Variants in STX17 observed in about 807,000 individuals in gnomAD.
The protein encoded by STX17 is syntaxin-17.
STX17 carries 29 observed loss-of-function variants against 35.9 expected under a neutral mutation model. That is an observed-to-expected ratio of 0.81 (90% CI 0.60 to 1.10). The LOEUF (loss-of-function observed/expected upper bound fraction) is 1.10, where lower values mean the gene tolerates loss of function less well. Among genes scored for constraint, STX17 ranks in the 50% least tolerant of loss-of-function variants. The pLI is 0.00. For synonymous variants in STX17, 92 were observed against 118.3 expected, an observed-to-expected ratio of 0.78 and a Z score of 1.44; for missense variants, 312 against 352.3, an observed-to-expected ratio of 0.89 and a Z score of 0.92.
At chr9:99,958,590 T>C (rs564953976) in intron 4 of STX17, among the ~76,000 whole-genome samples, 8 of 152,300 alleles carry the variant, frequency 5.3e-5, no homozygotes, top group Non-Finnish European at 1.2e-4. Context: ...AGTTTATAAA[T>C]AGCCAAATCA....
chr9:99,939,795 G>C (rs1209668577), intron 3 of STX17, among the ~76,000 whole-genome samples: 1 of 152,004 alleles, frequency 6.6e-6, no homozygotes, highest in Non-Finnish European at 1.5e-5. Context: ...CTTTCATTTT[G>C]AATATTTCCC....
chr9:99,911,192 C>T (rs555831252), intron 1 of STX17, among the ~76,000 whole-genome samples: 156 of 152,184 alleles, frequency 1.0e-3, no homozygotes, highest in African/African-American at 3.4e-3. Flanking sequence ...CATGCCACCA[C>T]GCCTGGCTAA....
At chr9:99,925,704 T>TGA (rs1828973526) in intron 2 of STX17, among the ~76,000 whole-genome samples, 4 of 152,150 alleles carry the variant, frequency 2.6e-5, no homozygotes, top group South Asian at 2.1e-4. Flanking sequence ...GGATTGTTTC[T>TGA]CACAAGAAGT....
At chr9:99,963,591 C>G (rs1829865320) in intron 6 of STX17, among the ~76,000 whole-genome samples, 2 of 152,118 alleles carry the variant, frequency 1.3e-5, no homozygotes, top group Admixed American at 6.6e-5. Context: ...CATTCTGTTC[C>G]CTTCCACTGA....
intron 3 of STX17, among the ~76,000 whole-genome samples, chr9:99,938,325 AT>A (rs1829279912): frequency 6.6e-6 from 1 of 152,194 alleles, no homozygotes; most frequent in Non-Finnish European, 1.5e-5. Context: ...GTCATCTATT[AT>A]TGTTTTGAAA....
intron 3 of STX17, 41 bp from the exon 4 acceptor site, chr9:99,951,019 T>G (rs1829580571): frequency 6.6e-7 from 1 of 1,508,928 alleles, no homozygotes; most frequent in African/African-American, 1.4e-5. Context: ...AGATATCTTA[T>G]ACTAAGAAAT....
intron 3 of STX17, chr9:99,945,609 CTT>C (rs1231792762): frequency 5.0e-6 from 1 of 198,088 alleles, no homozygotes; most frequent in Admixed American, 6.1e-5. Flanking sequence ...AGGTTTAAAT[CTT>C]TCACCTTATT....
chr9:99,966,130 C>G (rs1444952709), intron 6 of STX17, among the ~76,000 whole-genome samples: 1 of 152,178 alleles, frequency 6.6e-6, no homozygotes, highest in East Asian at 1.9e-4. Flanking sequence ...CATCCCAGGC[C>G]TACTGGATCA....
chr9:99,964,500 C>T (rs1829879726), intron 6 of STX17, among the ~76,000 whole-genome samples: 1 of 152,032 alleles, frequency 6.6e-6, no homozygotes, highest in Non-Finnish European at 1.5e-5. Flanking sequence ...TGGTTTAGCT[C>T]ATTGTTAAAG....
chr9:99,968,332 A>G, intron 7 of STX17, 102 bp from the exon 8 acceptor site: 1 of 1,400,482 alleles, frequency 7.1e-7, no homozygotes, highest in East Asian at 2.3e-5. Flanking sequence ...ATGTACCAAG[A>G]GTTAAAGAGG....
At chr9:99,968,064 A>T (rs539955163) in intron 7 of STX17, among the ~76,000 whole-genome samples, 1 of 152,284 alleles carries the variant, frequency 6.6e-6, no homozygotes, top group South Asian at 2.1e-4. Context: ...TTTCCATAGG[A>T]TGTTGCTTTT....
chr9:99,958,695 C>G (rs1829763086), intron 4 of STX17, among the ~76,000 whole-genome samples: 2 of 152,186 alleles, frequency 1.3e-5, no homozygotes, highest in African/African-American at 4.8e-5. Flanking sequence ...GCCATTGTGT[C>G]TGCAGCACCT....
chr9:99,971,792 C>T lies in STX17; in HGVS notation c.*3119C>T, dbSNP rs1163593514. 1.3e-5 allele frequency among the ~76,000 whole-genome samples: 2 copies of T among 152,064 alleles called. No homozygotes were observed. Among genetic ancestry groups the T allele is most frequent in the African/African-American group, 4.8e-5 (2 of 41,388 alleles). ...TCCCAGCACTTAGGGAGGCAGAGGC[C>T]AGAGGATCACTTGAGCCCAGGAGTT... is the stretch of plus-strand genomic sequence containing the variant. On this transcript the variant is annotated 3_prime_UTR_variant, in exon 8 of 8. Coordinates refer to ENST00000259400, the MANE Select transcript of STX17 (RefSeq NM_017919.3).
chr9:99,940,833 G>C (rs1480551886), intron 3 of STX17, among the ~76,000 whole-genome samples: 17 of 152,142 alleles, frequency 1.1e-4, no homozygotes, highest in Admixed American at 1.1e-3. Context: ...CTTTATTACA[G>C]TGTGATTTCT....
rs190869460 is a variant in STX17 at position 99,948,393 on chromosome 9, T to A, written c.190-2667T>A. On this transcript the variant is annotated intron_variant, in intron 3 of 7. Transcript: ENST00000259400. The stretch of plus-strand genomic sequence containing the variant: ...TACTTTTTTAATGTAATTTAAAAAA[T>A]TTTTAAATTACATATGTGGCTTGTG... Among the ~76,000 whole-genome samples the A allele has an allele frequency of 6.3e-3, 955 of 152,214 alleles. 8 individuals carry two copies. The highest frequency in any genetic ancestry group is 0.021 in the African/African-American group (880 of 41,538).
At chr9:99,966,977 C>T (rs998875107) in intron 6 of STX17, among the ~76,000 whole-genome samples, 3 of 152,180 alleles carry the variant, frequency 2.0e-5, no homozygotes, top group Non-Finnish European at 4.4e-5. Flanking sequence ...TGTGCCAGCA[C>T]AGGTGTTGCC....
intron 3 of STX17, among the ~76,000 whole-genome samples, chr9:99,939,158 G>A (rs1474684318): frequency 1.3e-5 from 2 of 152,098 alleles, no homozygotes; most frequent in Non-Finnish European, 2.9e-5. Flanking sequence ...AGAAACAATA[G>A]AAAAGAGAGG....
chr9:99,915,937 ATAATG>A (rs1324421887), intron 2 of STX17: 3 of 431,944 alleles, frequency 6.9e-6, no homozygotes, highest in Non-Finnish European at 1.4e-5. Context: ...ATGGTGCACT[ATAATG>A]TAAAGGCAGA....
chr9:99,969,826 G>A lies in STX17; in HGVS notation c.*1153G>A, dbSNP rs899455962. On this transcript the variant is annotated 3_prime_UTR_variant, in exon 8 of 8. Transcript: ENST00000259400. ...GCTGGTGTTTCTTCCCCAAAATGGCGTTCCCATGCTTACCTTTCTCACATT... is the reference window on the plus strand; with the variant it reads ...GCTGGTGTTTCTTCCCCAAAATGGCATTCCCATGCTTACCTTTCTCACATT... The A allele has an allele frequency of 2.6e-5, 4 of 152,602 alleles. No homozygotes were observed. Among genetic ancestry groups the A allele is most frequent in the African/African-American group, 7.2e-5 (3 of 41,456 alleles). 9.5% of individuals were successfully genotyped at this position (152,602 alleles called of 1,614,324 possible). A position where few individuals can be genotyped will look rare whatever the true frequency, so the allele number is the denominator to read the frequency against.
Sources: allele counts gnomAD v4.1 joint callset (sites outside exome capture counted in the v4.1 genomes callset), GRCh38; gene constraint gnomAD v4.1.1; transcripts MANE v1.5; gene names NCBI Gene and HGNC (gene_info 2026-07-23, HGNC 2026-07-21).